The following EXOC2 variants were observed in gnomAD, a reference collection of about 807,000 sequenced individuals.
The protein encoded by EXOC2 is exocyst complex component 2, also known as SEC5-like 1.
In EXOC2, 70 loss-of-function variants were observed where a neutral mutation model predicts 131.8. That is an observed-to-expected ratio of 0.53 (90% CI 0.44 to 0.65). EXOC2 has a LOEUF of 0.65. Ranked by LOEUF, EXOC2 falls within the 30% of genes least tolerant of loss-of-function variation. The pLI is 0.00. For synonymous variants in EXOC2, 411 were observed against 398.4 expected (o/e 1.03, Z -0.38); for missense variants, 923 against 1,108.6 (o/e 0.83, Z 2.38).
rs563095350 is a variant in EXOC2 at position 576,801 on chromosome 6, G to A, written c.1274C>T (p.Ala425Val). ...PSVLGHLSQT[A>V]SLKRGSSFQS... ...AAAGCTGCTGCCCCTCTTCAGGGAC[G>A]CTGTCTGACTGAGATGGCCCAACAC... is the stretch of plus-strand genomic sequence containing the variant. Residue 425 changes from alanine to valine, a missense_variant, in exon 12 of 28, where the codon GCG (alanine) becomes GTG (valine). Coordinates refer to ENST00000230449, the MANE Select transcript of EXOC2 (RefSeq NM_018303.6). 8.7e-6 allele frequency: 14 copies of A among 1,614,086 alleles called. No individual in the cohort carries two copies. Among genetic ancestry groups the A allele is most frequent in the South Asian group, 3.3e-5 (3 of 91,070 alleles).
chr6:633,241 T>C (rs1228180287), intron 2 of EXOC2, 124 bp from the exon 3 acceptor site: 1 of 990,988 alleles, frequency 1.0e-6, no homozygotes, highest in East Asian at 2.6e-5. Flanking sequence ...TACCCAATAT[T>C]ATTTGCAGAT....
chr6:673,252 C>CA (rs56189394), intron 1 of EXOC2, among the ~76,000 whole-genome samples: 61 of 64,252 alleles, frequency 9.5e-4, no homozygotes, highest in African/African-American at 1.9e-3. Context: ...ACTCCATAGC[C>CA]AAAAAAAAAA....
intron 1 of EXOC2, among the ~76,000 whole-genome samples, chr6:682,325 G>A (rs13198877): frequency 0.089 from 13,369 of 150,110 alleles, 667 homozygotes; most frequent in Admixed American, 0.13. Flanking sequence ...TCAGCCTCCC[G>A]AATAGCTGGG....
At chr6:490,024 G>A (rs946327790) in intron 26 of EXOC2, among the ~76,000 whole-genome samples, 1 of 152,172 alleles carries the variant, frequency 6.6e-6, no homozygotes, top group African/African-American at 2.4e-5. Flanking sequence ...TCCTGGTGTG[G>A]AAGCCACTGC....
intron 23 of EXOC2, among the ~76,000 whole-genome samples, chr6:519,015 T>C (rs548507152): frequency 6.6e-6 from 1 of 152,144 alleles, no homozygotes; most frequent in African/African-American, 2.4e-5. Flanking sequence ...AAGTGCCAAG[T>C]ACTCAATGAC....
rs1764561473 is a variant in EXOC2 at position 506,876 on chromosome 6, T to C, written c.2381-7176A>G. 6.6e-6 allele frequency among the ~76,000 whole-genome samples: 1 copy of C among 152,170 alleles called. No homozygotes were observed. Among genetic ancestry groups the C allele is most frequent in the African/African-American group, 2.4e-5 (1 of 41,428 alleles). On this transcript the variant is annotated intron_variant, in intron 23 of 27. Coordinates refer to ENST00000230449, the MANE Select transcript of EXOC2 (RefSeq NM_018303.6). The surrounding 1 kb of genome is among the most constrained non-coding windows in gnomAD (Gnocchi z 4.4). ...CTTCTTTCTTGGTATATTTGTCAGTTTCCTCTTTTAATCATATAGGAAGGT... is the reference window on the plus strand; with the variant it reads ...CTTCTTTCTTGGTATATTTGTCAGTCTCCTCTTTTAATCATATAGGAAGGT...
At position 572,408 on chromosome 6, in the gene EXOC2, T is replaced by A. The variant is rs999703678; in HGVS notation, c.1443+112A>T. On this transcript the variant is annotated intron_variant, in intron 13 of 27. Transcript: ENST00000230449. ...TTTAACTGATTTTAAACTATGACGA[T>A]GGCTAGAGATGTTGGGCCTCTACAT... 1.5e-5 allele frequency: 20 copies of A among 1,320,854 alleles called. No individual in the cohort carries two copies. The African/African-American group carries it at 2.8e-4, about 18-fold the overall frequency. 81.8% of individuals were successfully genotyped at this position (1,320,854 alleles called of 1,614,324 possible). A position where few individuals can be genotyped will look rare whatever the true frequency, so the allele number is the denominator to read the frequency against.
intron 23 of EXOC2, chr6:524,194 AC>A (rs1429143008): frequency 1.3e-5 from 2 of 152,148 alleles, no homozygotes; most frequent in Non-Finnish European, 2.9e-5. Context: ...ATGGGGAAGA[AC>A]CACCAGACTC....
intron 1 of EXOC2, among the ~76,000 whole-genome samples, chr6:692,249 C>A (rs1181250428): frequency 2.0e-5 from 3 of 152,230 alleles, no homozygotes; most frequent in Admixed American, 2.0e-4. Flanking sequence ...GTATGTTGAC[C>A]TTTGGCAGAT....
chr6:648,077 G>A (rs1423035167), intron 1 of EXOC2, among the ~76,000 whole-genome samples: 4 of 152,102 alleles, frequency 2.6e-5, no homozygotes, highest in African/African-American at 9.7e-5. Flanking sequence ...ATGCCAGGAA[G>A]ACCTGTCATT....
At chr6:577,432 C>T (rs553316008) in intron 11 of EXOC2, among the ~76,000 whole-genome samples, 1 of 152,302 alleles carries the variant, frequency 6.6e-6, no homozygotes, top group South Asian at 2.1e-4. Flanking sequence ...GTCTCACACT[C>T]AAATACTGCT....
chr6:606,570 T>A (rs1760427888), intron 7 of EXOC2, among the ~76,000 whole-genome samples: 1 of 152,260 alleles, frequency 6.6e-6, no homozygotes, highest in Non-Finnish European at 1.5e-5. Context: ...GAATCAAGCC[T>A]CTTTTCTGTG....
At chr6:509,095 A>G (rs558896888) in intron 23 of EXOC2, among the ~76,000 whole-genome samples, 20 of 152,352 alleles carry the variant, frequency 1.3e-4, no homozygotes, top group African/African-American at 4.6e-4. Context: ...TTGTCTGTGA[A>G]GGTCTTTGAC....
At position 617,852 on chromosome 6, in the gene EXOC2, A is replaced by G. The variant is rs768976028; in HGVS notation, c.537-17T>C. ...TGCTCAAAACTGAAATGAAATAAAG[A>G]AACCAAAGTTTGACACTTCTAACAT... On this transcript the variant is annotated splice_polypyrimidine_tract_variant and intron_variant, in intron 5 of 27. Coordinates refer to ENST00000230449, the MANE Select transcript of EXOC2 (RefSeq NM_018303.6). 3.1e-6 allele frequency: 5 copies of G among 1,608,270 alleles called. No individual in the cohort carries two copies. In the African/African-American group the frequency reaches 4.0e-5, roughly 13 times the overall value.
intron 11 of EXOC2, among the ~76,000 whole-genome samples, chr6:588,083 G>A (rs1049554412): frequency 2.6e-5 from 4 of 152,088 alleles, no homozygotes; most frequent in Non-Finnish European, 5.9e-5. Context: ...TATCCTTTCT[G>A]CTTTTAAATA....
In EXOC2 at chr6:654,997, CAA is replaced by C. The variant is rs149460973; in HGVS notation, c.-43-17138_-43-17137del. On this transcript the variant is annotated intron_variant, in intron 1 of 27. Coordinates refer to ENST00000230449, the MANE Select transcript of EXOC2 (RefSeq NM_018303.6). ...GCTGTGAAAACTGTTGAAACAACAACAAAAGATTTAGTACAGTGTATAAACTT... is the reference window on the plus strand; with the variant it reads ...GCTGTGAAAACTGTTGAAACAACAACAAGATTTAGTACAGTGTATAAACTT... Among the ~76,000 whole-genome samples the C allele has an allele frequency of 9.0e-3, 1,369 of 152,118 alleles. 17 individuals are homozygous for C. Among genetic ancestry groups the C allele is most frequent in the African/African-American group, 0.026 (1,093 of 41,492 alleles).
chr6:675,036 T>C (rs1189787481), intron 1 of EXOC2, among the ~76,000 whole-genome samples: 1 of 152,090 alleles, frequency 6.6e-6, no homozygotes, highest in East Asian at 1.9e-4. Flanking sequence ...GGGAAAACCA[T>C]AACAAAGGGT....
At chr6:593,411 C>T (rs1759650529) in intron 10 of EXOC2, among the ~76,000 whole-genome samples, 1 of 152,186 alleles carries the variant, frequency 6.6e-6, no homozygotes, top group Non-Finnish European at 1.5e-5. Flanking sequence ...ACACTCACCT[C>T]TAAAGTCCAC....
Position 650,095 on chromosome 6 carries a change from A to T in EXOC2, c.-43-12234T>A, listed in dbSNP as rs577461165. ...ACAATGCCCCTCCAAAAGGTTTGAG[A>T]TTTTTTAAATTTAAATTTTATCTTT... On this transcript the variant is annotated intron_variant, in intron 1 of 27. Transcript: ENST00000230449. Among the ~76,000 whole-genome samples the T allele has an allele frequency of 1.4e-3, 214 of 152,320 alleles. 1 individual carries two copies. Among genetic ancestry groups the T allele is most frequent in the African/African-American group, 4.5e-3 (185 of 41,564 alleles).
Sources: gnomAD v4.1 joint callset for allele counts (sites outside exome capture counted in the v4.1 genomes callset) on GRCh38, gnomAD v4.1.1 for gene constraint, Gnocchi (gnomAD v3.1) non-coding constraint, MANE v1.5 for transcripts, NCBI Gene and HGNC (gene_info 2026-07-23, HGNC 2026-07-21) for gene names.